LRP1B: variants seen among roughly 807,000 people sequenced by gnomAD.
LRP1B encodes the protein LDL receptor related protein 1B.
Under a neutral mutation model 556.6 loss-of-function variants are expected in LRP1B, and 217 were observed. The observed-to-expected ratio is 0.39, with a 90% confidence interval of 0.35 to 0.44. The LOEUF is 0.44. Ranked by LOEUF, LRP1B falls within the 20% of genes least tolerant of loss-of-function variation. The probability of loss-of-function intolerance (pLI) is 1.00; values close to 1 mark genes in which losing one functional copy is unlikely to be tolerated. For synonymous variants in LRP1B, 2,047 were observed against 1,865.8 expected (o/e 1.10, Z -2.50); for missense variants, 5,053 against 5,620.8 (o/e 0.90, Z 3.23).
rs572924134 is a variant in LRP1B at position 140,285,093 on chromosome 2, C to A, written c.12968-10495G>T. On this transcript the variant is annotated intron_variant, in intron 84 of 90. Coordinates refer to ENST00000389484, the MANE Select transcript of LRP1B (RefSeq NM_018557.3). ...ATTTATATATGGATAATCCCTATAT[C>A]TCTCTCTCTATATATATATGTGTGT... Among the ~76,000 whole-genome samples, 101 of 147,458 alleles carry A rather than the reference C, an allele frequency of 6.8e-4. 1 individual carries two copies. Among genetic ancestry groups the A allele is most frequent in the African/African-American group, 2.1e-3 (82 of 39,116 alleles).
chr2:140,502,954 T>C lies in LRP1B; in HGVS notation c.8662+9A>G. ...TAGAGTAAATGCGGTATTGTATATA[T>C]TTCTGTACCTGCACTTTTACACTTT... On this transcript the variant is annotated intron_variant, in intron 54 of 90. Coordinates refer to ENST00000389484, the MANE Select transcript of LRP1B (RefSeq NM_018557.3). 6.2e-7 allele frequency: 1 copy of C among 1,612,688 alleles called. No individual in the cohort carries two copies. Among genetic ancestry groups the C allele is most frequent in the Non-Finnish European group, 8.5e-7 (1 of 1,178,962 alleles).
intron 6 of LRP1B, among the ~76,000 whole-genome samples, chr2:141,206,307 C>T (rs940060299): frequency 3.3e-5 from 5 of 152,032 alleles, no homozygotes; most frequent in South Asian, 2.1e-4. Context: ...AATTGCCGGG[C>T]GCGGTGGCTC....
intron 5 of LRP1B, among the ~76,000 whole-genome samples, chr2:141,245,301 T>C (rs1029506637): frequency 6.6e-6 from 1 of 152,212 alleles, no homozygotes; most frequent in Admixed American, 6.5e-5. Flanking sequence ...AGTGTTTAGC[T>C]GTTGTTGATA....
chr2:141,218,199 G>A (rs540899917), intron 6 of LRP1B, among the ~76,000 whole-genome samples: 11 of 152,248 alleles, frequency 7.2e-5, no homozygotes, highest in Admixed American at 1.3e-4. Context: ...TTGTAAATTC[G>A]TTCAGCCACT....
At chr2:141,378,908 T>G (rs1337750508) in intron 3 of LRP1B, among the ~76,000 whole-genome samples, 1 of 152,142 alleles carries the variant, frequency 6.6e-6, no homozygotes, top group Admixed American at 6.6e-5. Flanking sequence ...ACCACTCATA[T>G]AACGGAAATC....
chr2:140,414,452 T>C (rs1685095102), intron 66 of LRP1B, among the ~76,000 whole-genome samples: 1 of 152,192 alleles, frequency 6.6e-6, no homozygotes, highest in African/African-American at 2.4e-5. Context: ...CCACATTTAC[T>C]GTAAGTCAAC....
At chr2:140,671,669 T>A (rs184313153) in intron 41 of LRP1B, among the ~76,000 whole-genome samples, 12 of 152,316 alleles carry the variant, frequency 7.9e-5, no homozygotes, top group African/African-American at 2.9e-4. Flanking sequence ...CTATCTCTAA[T>A]CTTTCTGCCT....
chr2:141,636,341 G>C (rs571122450), intron 2 of LRP1B, among the ~76,000 whole-genome samples: 2 of 151,996 alleles, frequency 1.3e-5, no homozygotes, highest in Non-Finnish European at 2.9e-5. Context: ...AATTCTTAAC[G>C]TAATAAATTA....
At chr2:140,400,265 C>T (rs909293280) in intron 66 of LRP1B, among the ~76,000 whole-genome samples, 1 of 152,190 alleles carries the variant, frequency 6.6e-6, no homozygotes, top group African/African-American at 2.4e-5. Flanking sequence ...TCCAAACCCT[C>T]TTCCAGAGCA....
intron 82 of LRP1B, among the ~76,000 whole-genome samples, chr2:140,318,208 A>G (rs1045065185): frequency 3.3e-5 from 5 of 152,152 alleles, no homozygotes; most frequent in Non-Finnish European, 5.9e-5. Flanking sequence ...TCAGCAATCA[A>G]TAATTCTGAA....
At chr2:142,115,892 T>C (rs1385965287) in intron 1 of LRP1B, among the ~76,000 whole-genome samples, 8 of 124,092 alleles carry the variant, frequency 6.4e-5, no homozygotes, top group African/African-American at 2.4e-4. Context: ...AGCTCTTCCT[T>C]AGAGAAGCAT....
At chr2:140,843,441 C>G (rs549308633) in intron 29 of LRP1B, among the ~76,000 whole-genome samples, 1 of 152,130 alleles carries the variant, frequency 6.6e-6, no homozygotes, top group East Asian at 1.9e-4. Context: ...TTCTAGCCAC[C>G]CAGAATGTGA....
chr2:140,311,417 A>T (rs551099370), intron 83 of LRP1B, among the ~76,000 whole-genome samples: 1 of 152,010 alleles, frequency 6.6e-6, no homozygotes, highest in South Asian at 2.1e-4. Context: ...ATCTTGAGCA[A>T]AACATCTCAG....
chr2:140,588,465 T>C lies in LRP1B; in HGVS notation c.7194+10166A>G, dbSNP rs150335216. On this transcript the variant is annotated intron_variant, in intron 43 of 90. Transcript: ENST00000389484. ...ACACTATAGATATATGAAAGACATT[T>C]TGTAGATGTGGATAGATTATTCTAA... 4.1e-4 allele frequency among the ~76,000 whole-genome samples: 62 copies of C among 152,296 alleles called. No homozygotes were observed. In the East Asian group the frequency reaches 0.01, roughly 25 times the overall value.
At chr2:141,340,806 A>G (rs533343157) in intron 3 of LRP1B, among the ~76,000 whole-genome samples, 4 of 152,322 alleles carry the variant, frequency 2.6e-5, no homozygotes, top group Admixed American at 1.3e-4. Context: ...CCATGACTTA[A>G]ATAGTTTTGC....
chr2:141,440,557 G>A (rs960320548), intron 3 of LRP1B, among the ~76,000 whole-genome samples: 4 of 152,212 alleles, frequency 2.6e-5, no homozygotes, highest in Non-Finnish European at 5.9e-5. Context: ...CTGCAAAGGG[G>A]TTAACGCTCT....
chr2:141,565,407 G>A lies in LRP1B; in HGVS notation c.206-84874C>T, dbSNP rs76135861. Among the ~76,000 whole-genome samples, 1,215 of 152,210 alleles carry A rather than the reference G, an allele frequency of 8.0e-3. 11 individuals are homozygous for A. The highest frequency in any genetic ancestry group is 0.026 in the African/African-American group (1,089 of 41,540). On this transcript the variant is annotated intron_variant, in intron 2 of 90. Coordinates refer to ENST00000389484, the MANE Select transcript of LRP1B (RefSeq NM_018557.3). Reference sequence around the variant, plus strand: ...AAGCCTAAGGAACTTGACATTATAAGTGGAAAGGAGCAAAAAGATGATCAA... The same window carrying A: ...AAGCCTAAGGAACTTGACATTATAAATGGAAAGGAGCAAAAAGATGATCAA...
At chr2:141,225,003 T>A (rs181372086) in intron 6 of LRP1B, among the ~76,000 whole-genome samples, 10 of 152,162 alleles carry the variant, frequency 6.6e-5, no homozygotes, top group African/African-American at 2.2e-4. Flanking sequence ...GATAAAAAAT[T>A]GTCAGAATTC....
At chr2:142,087,181 A>C (rs558123025) in intron 1 of LRP1B, among the ~76,000 whole-genome samples, 24 of 152,292 alleles carry the variant, frequency 1.6e-4, no homozygotes, top group African/African-American at 5.8e-4. Flanking sequence ...TGATTATGAG[A>C]GTGTATAATA....
Sources: allele counts gnomAD v4.1 joint callset (sites outside exome capture counted in the v4.1 genomes callset), GRCh38; gene constraint gnomAD v4.1.1; transcripts MANE v1.5; gene names NCBI Gene and HGNC (gene_info 2026-07-23, HGNC 2026-07-21).